The following NDUFAF5 variants were observed in gnomAD, a reference collection of about 807,000 sequenced individuals.
The protein encoded by NDUFAF5 is arginine-hydroxylase NDUFAF5, mitochondrial.
Under a neutral mutation model 48.9 loss-of-function variants are expected in NDUFAF5, and 34 were observed. The ratio of observed to expected loss-of-function variants is 0.70; its 90% CI spans 0.53 to 0.93. NDUFAF5 has a LOEUF of 0.93. Among genes scored for constraint, NDUFAF5 ranks in the 40% least tolerant of loss-of-function variants. The pLI is 0.00. For missense variants in NDUFAF5, 428 were observed against 427.5 expected (o/e 1.00, Z -0.01); for synonymous variants, 153 against 150.6 (o/e 1.02, Z -0.12).
chr20:13,814,358 GTATT>G (rs2147619544), intron 8 of NDUFAF5: 1 of 832,784 alleles, frequency 1.2e-6, no homozygotes, highest in Non-Finnish European at 1.7e-6. Context: ...CATTTGTGGT[GTATT>G]TTTTTTCTTA....
chr20:13,815,975 T>C (rs1349524561), intron 8 of NDUFAF5: 1 of 166,596 alleles, frequency 6.0e-6, no homozygotes, highest in African/African-American at 2.4e-5. Flanking sequence ...TGAGAGCACA[T>C]AGTAGCTTTG....
chr20:13,807,510 A>AGT (rs777945438), intron 7 of NDUFAF5, among the ~76,000 whole-genome samples: 1 of 151,264 alleles, frequency 6.6e-6, no homozygotes, highest in Non-Finnish European at 1.5e-5. Context: ...TTTTTTTTCC[A>AGT]GTCAATAACA....
Position 13,817,310 on chromosome 20 carries a change from A to G in NDUFAF5, c.*100A>G, listed in dbSNP as rs780910897. The G allele has an allele frequency of 5.5e-6, 5 of 912,696 alleles. No individual in the cohort carries two copies. Among genetic ancestry groups the G allele is most frequent in the South Asian group, 1.3e-5 (1 of 76,172 alleles). 56.5% of individuals were successfully genotyped at this position (912,696 alleles called of 1,614,324 possible). On this transcript the variant is annotated 3_prime_UTR_variant, in exon 11 of 11. Transcript: ENST00000378106. Reference sequence around the variant, plus strand: ...TTTGAAGCAAGAAGCACTCTAAGCTATTTACTAATAGGCTTTTCATATAAT... The same window carrying G: ...TTTGAAGCAAGAAGCACTCTAAGCTGTTTACTAATAGGCTTTTCATATAAT...
intron 6 of NDUFAF5, among the ~76,000 whole-genome samples, chr20:13,799,866 T>G (rs1486571782): frequency 6.6e-6 from 1 of 152,140 alleles, no homozygotes; most frequent in Non-Finnish European, 1.5e-5. Context: ...GTTTGGTGAC[T>G]GATTAGATCT....
At chr20:13,805,355 G>A (rs1984841275) in intron 7 of NDUFAF5, among the ~76,000 whole-genome samples, 1 of 152,164 alleles carries the variant, frequency 6.6e-6, no homozygotes, top group South Asian at 2.1e-4. Flanking sequence ...TATAAAGAAT[G>A]AGTTTTAGAA....
At position 13,818,443 on chromosome 20, in the gene NDUFAF5, G is replaced by T. The variant is rs1042770047; in HGVS notation, c.*1233G>T. On this transcript the variant is annotated 3_prime_UTR_variant, in exon 11 of 11. Coordinates refer to ENST00000378106, the MANE Select transcript of NDUFAF5 (RefSeq NM_024120.5). Reference sequence around the variant, plus strand: ...AGAATTTGGCGTTTTGTTTTTTGGGGTTTTTTTTTTTTTTAGCTTAATTTT... The same window carrying T: ...AGAATTTGGCGTTTTGTTTTTTGGGTTTTTTTTTTTTTTTAGCTTAATTTT... 90 of 297,372 alleles carry T rather than the reference G, an allele frequency of 3.0e-4. No individual in the cohort carries two copies. The highest frequency in any genetic ancestry group is 1.6e-3 in the East Asian group (17 of 10,948). 18.4% of individuals were successfully genotyped at this position (297,372 alleles called of 1,614,324 possible).
chr20:13,788,737 C>T (rs2147485347), intron 3 of NDUFAF5, 85 bp downstream of exon 3: 1 of 853,858 alleles, frequency 1.2e-6, no homozygotes, highest in Non-Finnish European at 1.9e-6. Flanking sequence ...GTTTAGCTTG[C>T]AACATATTTA....
intron 7 of NDUFAF5, among the ~76,000 whole-genome samples, chr20:13,806,913 CCT>C (rs1478291771): frequency 3.3e-5 from 5 of 152,034 alleles, no homozygotes; most frequent in Non-Finnish European, 7.4e-5. Flanking sequence ...CTGACTTCTC[CCT>C]CTGTTGCCCA....
intron 4 of NDUFAF5, 67 bp from the exon 5 acceptor site, chr20:13,794,771 A>G (rs1982908095): frequency 1.0e-6 from 1 of 979,902 alleles, no homozygotes; most frequent in Non-Finnish European, 1.6e-6. Context: ...TTTAACAAAC[A>G]GTGATTGTGT....
Position 13,792,927 on chromosome 20 carries a change from G to A in NDUFAF5, c.328-253G>A, listed in dbSNP as rs148753899. ...TGTTATGCCATGGAAAAGTTAACAC[G>A]GAAGCCCTCACCCAGTGTAGTAAAT... is the stretch of plus-strand genomic sequence containing the variant. On this transcript the variant is annotated intron_variant, in intron 3 of 10. Coordinates refer to ENST00000378106, the MANE Select transcript of NDUFAF5 (RefSeq NM_024120.5). Among the ~76,000 whole-genome samples, 202 of 152,242 alleles carry A rather than the reference G, an allele frequency of 1.3e-3. 1 individual carries two copies. Among genetic ancestry groups the A allele is most frequent in the African/African-American group, 4.6e-3 (189 of 41,534 alleles).
At chr20:13,791,353 C>T (rs1026696923) in intron 3 of NDUFAF5, among the ~76,000 whole-genome samples, 1 of 152,106 alleles carries the variant, frequency 6.6e-6, no homozygotes, top group Non-Finnish European at 1.5e-5. Flanking sequence ...AAAATATGAT[C>T]AATAATACCC....
At chr20:13,810,248 A>C (rs1009272542) in intron 8 of NDUFAF5, among the ~76,000 whole-genome samples, 1 of 152,220 alleles carries the variant, frequency 6.6e-6, no homozygotes, top group African/African-American at 2.4e-5. Context: ...AGAGACTGAG[A>C]AGGAGTAGCC....
chr20:13,803,872 C>T (rs1434218933), intron 7 of NDUFAF5, among the ~76,000 whole-genome samples: 1 of 152,068 alleles, frequency 6.6e-6, no homozygotes, highest in Non-Finnish European at 1.5e-5. Context: ...CACAATCTCT[C>T]CCTCCCAGGT....
At chr20:13,814,374 T>C in intron 8 of NDUFAF5, 1 of 977,964 alleles carries the variant, frequency 1.0e-6, no homozygotes, top group South Asian at 1.4e-5. Context: ...TTTTTCTTAA[T>C]GGTTGTGGTG....
intron 7 of NDUFAF5, among the ~76,000 whole-genome samples, chr20:13,807,943 C>T (rs567723959): frequency 3.3e-5 from 3 of 90,452 alleles, no homozygotes; most frequent in Admixed American, 1.1e-4. Context: ...AGCAAGAATC[C>T]GTCTTAAAAA....
At chr20:13,791,466 C>A (rs1216881006) in intron 3 of NDUFAF5, among the ~76,000 whole-genome samples, 1 of 151,978 alleles carries the variant, frequency 6.6e-6, no homozygotes, top group African/African-American at 2.4e-5. Context: ...CAATTGAAGC[C>A]GTAGAAATAG....
chr20:13,807,307 A>G (rs1346850725), intron 7 of NDUFAF5, among the ~76,000 whole-genome samples: 1 of 151,944 alleles, frequency 6.6e-6, no homozygotes, highest in Non-Finnish European at 1.5e-5. Flanking sequence ...CGGCCTCCCA[A>G]AGTGCTGGGA....
chr20:13,799,424 C>T (rs543218339), intron 6 of NDUFAF5, among the ~76,000 whole-genome samples: 33 of 152,148 alleles, frequency 2.2e-4, no homozygotes, highest in Non-Finnish European at 3.2e-4. Flanking sequence ...CTCGGCTGGG[C>T]GTGGTGGCTC....
intron 8 of NDUFAF5, among the ~76,000 whole-genome samples, chr20:13,809,215 G>T (rs1170512079): frequency 6.6e-6 from 1 of 152,146 alleles, no homozygotes; most frequent in African/African-American, 2.4e-5. Context: ...TTTTTGAAGG[G>T]TGCACTTGAG....
Sources: gnomAD v4.1 joint callset for allele counts (sites outside exome capture counted in the v4.1 genomes callset) on GRCh38, gnomAD v4.1.1 for gene constraint, MANE v1.5 for transcripts, NCBI Gene and HGNC (gene_info 2026-07-23, HGNC 2026-07-21) for gene names.